Variants in ADAMTS16 observed in about 807,000 individuals in gnomAD.
ADAMTS16 encodes the protein ADAM metallopeptidase with thrombospondin type 1 motif 16, also known as A disintegrin and metalloproteinase with thrombospondin motifs 16.
A neutral mutation model predicts 145.8 loss-of-function variants in ADAMTS16; 94 were observed. The observed-to-expected ratio is 0.64, with a 90% CI of 0.55 to 0.77. ADAMTS16 has a LOEUF of 0.77. Among genes scored for constraint, ADAMTS16 ranks in the 30% least tolerant of loss-of-function variants. The pLI is 0.00. For synonymous variants in ADAMTS16, 659 were observed against 604.3 expected, an observed-to-expected ratio of 1.09 and a Z score of -1.33; for missense variants, 1,585 against 1,591.5, an observed-to-expected ratio of 1.00 and a Z score of 0.07.
Position 5,191,911 on chromosome 5 carries a change from T to C in ADAMTS16, c.1313+121T>C, listed in dbSNP as rs981982107. 3 of 690,576 alleles carry C rather than the reference T, an allele frequency of 4.3e-6. No homozygotes were observed. The African/African-American group carries it at 5.4e-5, about 12-fold the overall frequency. The allele number at this position is 690,576 out of a possible 1,614,324, so 42.8% of individuals were successfully genotyped here. A position where few individuals can be genotyped will look rare whatever the true frequency, so the allele number is the denominator to read the frequency against. Reference sequence around the variant, plus strand: ...GGAATTCACATATATCCAACGAGAATGCCATTGACAGTTATAAAATGCTGT... The same window carrying C: ...GGAATTCACATATATCCAACGAGAACGCCATTGACAGTTATAAAATGCTGT... On this transcript the variant is annotated intron_variant, in intron 8 of 22. Transcript: ENST00000274181.
intron 10 of ADAMTS16, among the ~76,000 whole-genome samples, chr5:5,220,393 C>T (rs1290182052): frequency 4.6e-5 from 7 of 151,104 alleles, no homozygotes; most frequent in Non-Finnish European, 8.9e-5. Flanking sequence ...CTCCTGACCT[C>T]GTGATCCGCC....
At chr5:5,189,447 C>T (rs542876873) in intron 6 of ADAMTS16, among the ~76,000 whole-genome samples, 2 of 152,230 alleles carry the variant, frequency 1.3e-5, no homozygotes, top group African/African-American at 4.8e-5. Context: ...TACCAATTGA[C>T]CCACCTCCTC....
At position 5,244,217 on chromosome 5, in the gene ADAMTS16, C is replaced by T. The variant is rs887432236; in HGVS notation, c.2662+2026C>T. Among the ~76,000 whole-genome samples the T allele has an allele frequency of 1.3e-5, 2 of 152,184 alleles. 1 individual carries two copies. ...GGGAACACTTGCAAATGGTATCCTG[C>T]AGGGTTTGAACTATAGTCGATCCTC... is the stretch of plus-strand genomic sequence containing the variant. On this transcript the variant is annotated intron_variant, in intron 17 of 22. Transcript: ENST00000274181.
intron 3 of ADAMTS16, among the ~76,000 whole-genome samples, chr5:5,159,040 A>G (rs1289445648): frequency 6.6e-6 from 1 of 152,232 alleles, no homozygotes; most frequent in East Asian, 1.9e-4. Context: ...CATGCTCAAC[A>G]TTTACCTTGT....
chr5:5,146,719 T>C (rs1048552835), intron 3 of ADAMTS16, among the ~76,000 whole-genome samples: 4 of 152,200 alleles, frequency 2.6e-5, no homozygotes, highest in African/African-American at 9.6e-5. Context: ...AACTTGTGTA[T>C]AAGAACCGCT....
At chr5:5,211,164 G>T (rs551105314) in intron 10 of ADAMTS16, among the ~76,000 whole-genome samples, 2 of 152,190 alleles carry the variant, frequency 1.3e-5, no homozygotes, top group South Asian at 4.1e-4. Flanking sequence ...GATTGGTGTT[G>T]TTTCTTCCTT....
chr5:5,226,193 T>C (rs1219631098), intron 11 of ADAMTS16, among the ~76,000 whole-genome samples: 1 of 152,212 alleles, frequency 6.6e-6, no homozygotes, highest in Non-Finnish European at 1.5e-5. Context: ...TTTCTCAGGC[T>C]GCTGACAAAG....
intron 18 of ADAMTS16, among the ~76,000 whole-genome samples, chr5:5,267,945 C>G (rs1473297614): frequency 1.3e-5 from 2 of 152,134 alleles, no homozygotes; most frequent in Admixed American, 1.3e-4. Flanking sequence ...TCACGTGGGA[C>G]CTTAATAGGT....
At chr5:5,296,178 C>A (rs1470517489) in intron 18 of ADAMTS16, among the ~76,000 whole-genome samples, 1 of 152,232 alleles carries the variant, frequency 6.6e-6, no homozygotes, top group Non-Finnish European at 1.5e-5. Context: ...AGAAGGAACT[C>A]AAGCTTCCAT....
chr5:5,160,723 C>T (rs1734719081), intron 3 of ADAMTS16, among the ~76,000 whole-genome samples: 2 of 149,590 alleles, frequency 1.3e-5, no homozygotes, highest in Admixed American at 1.3e-4. Flanking sequence ...TGCACCTGAT[C>T]TTGTCTTAAA....
chr5:5,205,391 T>C (rs890401103), intron 9 of ADAMTS16, among the ~76,000 whole-genome samples: 2 of 152,234 alleles, frequency 1.3e-5, no homozygotes, highest in Non-Finnish European at 2.9e-5. Flanking sequence ...AGTTTTATTG[T>C]TTGCTTATCA....
intron 17 of ADAMTS16, among the ~76,000 whole-genome samples, chr5:5,246,430 G>T (rs1737446217): frequency 6.6e-6 from 1 of 152,032 alleles, no homozygotes; most frequent in South Asian, 2.1e-4. Context: ...AGGGCTTAAG[G>T]TTTAATTCAT....
rs888665824 is a variant in ADAMTS16, at chr5:5,140,764, G to A, written c.173G>A (p.Gly58Asp). The change falls in exon 2 of 23, where the codon GGC (glycine) becomes GAC (aspartate). Residue 58 changes from glycine (G) to aspartate (D), a missense_variant and splice_region_variant. By Grantham distance (94) the Gly-to-Asp change is moderately conservative. Transcript: ENST00000274181. ...PAERPGWMEKGEYDLVSAYEV... is the reference protein window; with the variant it reads ...PAERPGWMEKDEYDLVSAYEV... ...GAGCGGCCGGGCTGGATGGAAAAGG[G>A]CGGTAAGTCCGTGAGGTGGGGGCTT... 6.4e-7 allele frequency: 1 copy of A among 1,559,494 alleles called. No individual in the cohort carries two copies. Among genetic ancestry groups the A allele is most frequent in the Non-Finnish European group, 8.7e-7 (1 of 1,152,962 alleles).
At chr5:5,229,275 G>C (rs539738083) in intron 11 of ADAMTS16, among the ~76,000 whole-genome samples, 1 of 138,206 alleles carries the variant, frequency 7.2e-6, no homozygotes, top group Admixed American at 7.7e-5. Flanking sequence ...TCCGCAGTCC[G>C]GCCTGGGCGA....
intron 18 of ADAMTS16, among the ~76,000 whole-genome samples, chr5:5,296,694 T>C (rs1447280388): frequency 2.6e-5 from 4 of 152,138 alleles, no homozygotes; most frequent in Non-Finnish European, 5.9e-5. Context: ...AGACCAGGAA[T>C]GTGCAGGTGT....
chr5:5,258,755 A>T (rs1024910248), intron 17 of ADAMTS16, among the ~76,000 whole-genome samples: 1 of 152,192 alleles, frequency 6.6e-6, no homozygotes, highest in Non-Finnish European at 1.5e-5. Flanking sequence ...AAGGCTGGGA[A>T]GTCCAGAGCT....
intron 3 of ADAMTS16, among the ~76,000 whole-genome samples, chr5:5,165,747 C>T (rs1734858751): frequency 6.6e-6 from 1 of 152,144 alleles, no homozygotes; most frequent in African/African-American, 2.4e-5. Flanking sequence ...GGGAATGGAG[C>T]CATGGGGCCG....
chr5:5,311,987 G>A (rs1740468770), intron 21 of ADAMTS16, among the ~76,000 whole-genome samples: 1 of 152,142 alleles, frequency 6.6e-6, no homozygotes. Flanking sequence ...AAAGTGCTGG[G>A]ATTACAGGCG....
rs1041221892 is a variant in ADAMTS16, at chr5:5,140,554, C to T, written c.72+15C>T. The T allele has an allele frequency of 4.7e-6, 7 of 1,503,112 alleles. No homozygotes were observed. The highest frequency in any genetic ancestry group is 6.2e-6 in the Non-Finnish European group (7 of 1,134,292). The allele number at this position is 1,503,112 out of a possible 1,614,324, so 93.1% of individuals were successfully genotyped here. A position where few individuals can be genotyped will look rare whatever the true frequency, so the allele number is the denominator to read the frequency against. ...TGGCCGAGCAGGTGAGTCCCGGGCG[C>T]TCCCACCAGCGCGGAAACCGCGGGT... On this transcript the variant is annotated intron_variant, in intron 1 of 22. Coordinates refer to ENST00000274181, the MANE Select transcript of ADAMTS16 (RefSeq NM_139056.4).
Sources: gnomAD v4.1 joint callset for allele counts (sites outside exome capture counted in the v4.1 genomes callset) on GRCh38, gnomAD v4.1.1 for gene constraint, MANE v1.5 for transcripts, NCBI Gene and HGNC (gene_info 2026-07-23, HGNC 2026-07-21) for gene names.